The following LRP2 variants were observed in gnomAD, a reference collection of about 807,000 sequenced individuals.
The protein encoded by LRP2 is LDL receptor related protein 2.
Under a neutral mutation model 531.0 loss-of-function variants are expected in LRP2, and 172 were observed. The observed-to-expected ratio is 0.32, with a 90% CI of 0.29 to 0.37. The LOEUF is 0.37. Ranked by LOEUF, LRP2 falls within the 10% of genes least tolerant of loss-of-function variation. The pLI is 1.00. For missense variants in LRP2, 5,167 were observed against 5,868.3 expected (o/e 0.88, Z 3.90); for synonymous variants, 1,992 against 2,027.6 (o/e 0.98, Z 0.47).
intron 3 of LRP2, among the ~76,000 whole-genome samples, chr2:169,316,005 T>A (rs982523508): frequency 6.8e-6 from 1 of 146,168 alleles, no homozygotes; most frequent in South Asian, 2.2e-4. Context: ...CCAGGTATGG[T>A]GCCATGCGCC....
At chr2:169,298,607 C>G (rs1022986386) in intron 4 of LRP2, among the ~76,000 whole-genome samples, 1 of 151,892 alleles carries the variant, frequency 6.6e-6, no homozygotes. Context: ...AGAAGAAACC[C>G]AAGAGGAAGG....
chr2:169,173,383 A>C (rs765892090), intron 56 of LRP2, among the ~76,000 whole-genome samples, 159 bp from the exon 57 acceptor site: 3 of 152,260 alleles, frequency 2.0e-5, no homozygotes, highest in Non-Finnish European at 4.4e-5. Flanking sequence ...TCTGTTTACC[A>C]TGAGCAGAAA....
At chr2:169,191,064 G>A (rs141620426) in intron 48 of LRP2, among the ~76,000 whole-genome samples, 2 of 152,312 alleles carry the variant, frequency 1.3e-5, no homozygotes, top group Non-Finnish European at 1.5e-5. Context: ...GATCCACACA[G>A]TGTTTTAAGA....
At chr2:169,226,765 G>T (rs1362100274) in intron 31 of LRP2, among the ~76,000 whole-genome samples, 177 bp from the exon 32 acceptor site, 1 of 152,118 alleles carries the variant, frequency 6.6e-6, no homozygotes, top group Non-Finnish European at 1.5e-5. Context: ...GTTTCAGTGG[G>T]CTGCTGGACC....
intron 1 of LRP2, among the ~76,000 whole-genome samples, chr2:169,339,571 A>G (rs897175366): frequency 1.3e-5 from 2 of 152,230 alleles, no homozygotes; most frequent in African/African-American, 4.8e-5. Context: ...AGTAATAATT[A>G]AAAAATACAT....
At position 169,294,201 on chromosome 2, in the gene LRP2, T is replaced by C; in HGVS notation, c.599A>G (p.Tyr200Cys). 1 of 1,613,980 alleles carries C rather than the reference T, an allele frequency of 6.2e-7. No homozygotes were observed. The highest frequency in any genetic ancestry group is 8.5e-7 in the Non-Finnish European group (1 of 1,179,930). ...CGNGECIPRA[Y>C]VCDHDNDCQD... ...GCAATCATTGTCATGGTCACAGACA[T>C]AAGCACGAGGGATACACTCTCCATT... The change falls in exon 6 of 79, where the codon TAT (tyrosine) becomes TGT (cysteine). Residue 200 changes from tyrosine (Y) to cysteine (C), a missense_variant. Around this residue, in one of 6 missense-constraint regions of LRP2, gnomAD observed 2,811 missense variants for 3,058.0 expected, o/e 0.92. Coordinates refer to ENST00000649046, the MANE Select transcript of LRP2 (RefSeq NM_004525.3).
At chr2:169,247,057 G>A (rs1197444154) in intron 20 of LRP2, 71 bp from the exon 21 acceptor site, 1 of 1,548,780 alleles carries the variant, frequency 6.5e-7, no homozygotes, top group African/African-American at 1.4e-5. Flanking sequence ...TTTGATTTGT[G>A]AAGGAAAACA....
intron 51 of LRP2, 75 bp from the exon 52 acceptor site, chr2:169,181,693 A>C: frequency 7.6e-7 from 1 of 1,318,890 alleles, no homozygotes. Context: ...CCTTTTCTCC[A>C]TTTAGAGAAA....
intron 9 of LRP2, among the ~76,000 whole-genome samples, chr2:169,288,774 AG>A (rs1683923437): frequency 6.6e-6 from 1 of 152,228 alleles, no homozygotes; most frequent in African/African-American, 2.4e-5. Context: ...GCCCTCATCA[AG>A]TAATGGATAG....
Position 169,174,237 on chromosome 2 carries a change from T to A in LRP2, c.10769-73A>T. 1.9e-6 allele frequency: 3 copies of A among 1,582,452 alleles called. No homozygotes were observed. The South Asian group carries it at 3.3e-5, about 18-fold the overall frequency. On this transcript the variant is annotated intron_variant, in intron 55 of 78. Transcript: ENST00000649046. The stretch of plus-strand genomic sequence containing the variant: ...AAAGCTCCTAATTGACATCAGTGAA[T>A]CCTGGATAGCAGGATCATGATTTCT...
At chr2:169,285,047 G>A (rs1042198542) in intron 9 of LRP2, among the ~76,000 whole-genome samples, 12 of 151,950 alleles carry the variant, frequency 7.9e-5, no homozygotes, top group African/African-American at 2.2e-4. Flanking sequence ...AGTGGCTCAC[G>A]CCTATAATCC....
rs536387127 is a variant in LRP2, at chr2:169,168,475, G to T, written c.11635+64C>A. On this transcript the variant is annotated intron_variant, in intron 61 of 78. Transcript: ENST00000649046. ...TGCTCTCCAGGCTCACATGCTACAC[G>T]TAAGAAACAATGAGATTTGACAGAC... is the stretch of plus-strand genomic sequence containing the variant. 6.0e-5 allele frequency: 95 copies of T among 1,591,314 alleles called. No homozygotes were observed. In the African/African-American group the frequency reaches 8.8e-4, roughly 15 times the overall value.
chr2:169,232,721 A>C (rs1266374839), intron 30 of LRP2, among the ~76,000 whole-genome samples: 1 of 152,170 alleles, frequency 6.6e-6, no homozygotes, highest in Non-Finnish European at 1.5e-5. Context: ...TGTTCCAGGT[A>C]GAGGGAAGAG....
At chr2:169,226,688 A>G in intron 31 of LRP2, 100 bp from the exon 32 acceptor site, 1 of 852,912 alleles carries the variant, frequency 1.2e-6, no homozygotes, top group Non-Finnish European at 2.0e-6. Flanking sequence ...ATGGGCTAAA[A>G]TGACATTGCA....
rs568534822 is a variant in LRP2 at position 169,157,957 on chromosome 2, T to TAAATAAAAAAAA, written c.11888-456_11888-455insTTTTTTTTATTT. ...ATAAATAAATAAATAAATAAATAAA[T>TAAATAAAAAAAA]AAAAGACATGGATACAGATAGGTTA... On this transcript the variant is annotated intron_variant, in intron 63 of 78. Coordinates refer to ENST00000649046, the MANE Select transcript of LRP2 (RefSeq NM_004525.3). 4.1e-4 allele frequency among the ~76,000 whole-genome samples: 60 copies of TAAATAAAAAAAA among 146,066 alleles called. No individual in the cohort carries two copies. The East Asian group carries it at 0.011, about 26-fold the overall frequency.
At chr2:169,153,543 C>T (rs1686220817) in intron 66 of LRP2, among the ~76,000 whole-genome samples, 1 of 152,166 alleles carries the variant, frequency 6.6e-6, no homozygotes, top group Non-Finnish European at 1.5e-5. Context: ...AATAATAAAT[C>T]CTACATTGGT....
Position 169,193,749 on chromosome 2 carries a change from G to T in LRP2, c.8830+12C>A, listed in dbSNP as rs1480049196. Reference sequence around the variant, plus strand: ...ATGTGACTCTGCAGAGGAATTAATTGGCTTCACTTACGACACTGGTGCCTT... The same window carrying T: ...ATGTGACTCTGCAGAGGAATTAATTTGCTTCACTTACGACACTGGTGCCTT... On this transcript the variant is annotated intron_variant, in intron 47 of 78. Coordinates refer to ENST00000649046, the MANE Select transcript of LRP2 (RefSeq NM_004525.3). 4 of 1,614,078 alleles carry T rather than the reference G, an allele frequency of 2.5e-6. No individual in the cohort carries two copies. The highest frequency in any genetic ancestry group is 3.4e-6 in the Non-Finnish European group (4 of 1,179,976).
Position 169,175,310 on chromosome 2 carries a change from G to C in LRP2, c.10651C>G (p.Arg3551Gly), listed in dbSNP as rs1188450012. 8 of 1,614,206 alleles carry C rather than the reference G, an allele frequency of 5.0e-6. No individual in the cohort carries two copies. Among genetic ancestry groups the C allele is most frequent in the South Asian group, 2.2e-5 (2 of 91,088 alleles). The change falls in exon 55 of 79, where the codon CGC (arginine) becomes GGC (glycine). Residue 3551 changes from arginine (R) to glycine (G), a missense_variant. Coordinates refer to ENST00000649046, the MANE Select transcript of LRP2 (RefSeq NM_004525.3). ...TGGAACTGTCCCAGTCGGCAGAAGCGCTGCGGGCAAAGGGCCAGTTCATCA... is the reference window on the plus strand; with the variant it reads ...TGGAACTGTCCCAGTCGGCAGAAGCCCTGCGGGCAAAGGGCCAGTTCATCA... The part of the protein sequence containing the change: ...GSDELALCPQ[R>G]FCRLGQFQCS...
intron 4 of LRP2, among the ~76,000 whole-genome samples, chr2:169,303,147 A>G (rs1329545587): frequency 6.6e-6 from 1 of 152,202 alleles, no homozygotes; most frequent in Non-Finnish European, 1.5e-5. Context: ...TGATGCATAC[A>G]AAGGGGTTCA....
Sources: gnomAD v4.1 joint callset for allele counts (sites outside exome capture counted in the v4.1 genomes callset) on GRCh38, gnomAD v4.1.1 for gene constraint, gnomAD v4.1.1 regional missense constraint, MANE v1.5 for transcripts, NCBI Gene and HGNC (gene_info 2026-07-23, HGNC 2026-07-21) for gene names.